The following RPAP1 variants were observed in gnomAD, a reference collection of about 807,000 sequenced individuals.
RPAP1 encodes RNA polymerase II-associated protein 1.
In RPAP1, 109 loss-of-function variants were observed where a neutral mutation model predicts 142.4. That is an observed-to-expected ratio of 0.77 (90% CI 0.66 to 0.90). The LOEUF (loss-of-function observed/expected upper bound fraction) is 0.90. RPAP1 is among the 40% of genes least tolerant of loss of function. RPAP1 has a pLI of 0.00. For synonymous variants in RPAP1, 704 were observed against 738.9 expected (o/e 0.95, Z 0.77); for missense variants, 1,546 against 1,751.7 (o/e 0.88, Z 2.10).
At position 41,527,012 on chromosome 15, in the gene RPAP1, A is replaced by G. The variant is rs2051798710; in HGVS notation, c.1803T>C (p.Ser601=). 1 of 1,614,082 alleles carries G rather than the reference A, an allele frequency of 6.2e-7. No homozygotes were observed. Among genetic ancestry groups the G allele is most frequent in the African/African-American group, 1.3e-5 (1 of 74,928 alleles). ...TAGGCCCTGCCCCCACAGGAGACCA[A>G]CTGGTGGGCAAGAACTCTCGAACTA... is the stretch of plus-strand genomic sequence containing the variant. ...ETIVREFLPT[S]WSPVGAGPTP... is the part of the protein sequence containing the mutation. The change falls in exon 14 of 25, where the codon AGT becomes AGC. Residue 601 remains serine (S), a synonymous_variant. Coordinates refer to ENST00000304330, the MANE Select transcript of RPAP1 (RefSeq NM_015540.4).
chr15:41,523,965 C>G lies in RPAP1; in HGVS notation c.2242G>C (p.Ala748Pro), dbSNP rs1201932613. The G allele has an allele frequency of 1.2e-6, 2 of 1,613,106 alleles. No individual in the cohort carries two copies. The highest frequency in any genetic ancestry group is 1.7e-6 in the Non-Finnish European group (2 of 1,179,648). ...GGGGTGGCCGAGAGGCTGGCCTCAGCAGAATCACTACAAAAGTGCCAAAGG... is the reference window on the plus strand; with the variant it reads ...GGGGTGGCCGAGAGGCTGGCCTCAGGAGAATCACTACAAAAGTGCCAAAGG... The part of the protein sequence containing the change: ...STPAETISDS[A>P]EASLSATPSL... Residue 748 changes from alanine to proline, a missense_variant, in exon 17 of 25, where the codon GCT becomes CCT. Ala to Pro is a conservative substitution (Grantham distance 27, BLOSUM62 -1). Around this residue, in one of 3 missense-constraint regions of RPAP1, gnomAD observed 1,333 missense variants for 1,486.6 expected, o/e 0.90. Transcript: ENST00000304330.
At chr15:41,532,461 C>T (rs979424881) in intron 6 of RPAP1, among the ~76,000 whole-genome samples, 1 of 152,130 alleles carries the variant, frequency 6.6e-6, no homozygotes, top group Non-Finnish European at 1.5e-5. Flanking sequence ...CCATACTGAG[C>T]CCTAACACGT....
At chr15:41,523,519 C>G (rs2051754160) in intron 17 of RPAP1, among the ~76,000 whole-genome samples, 165 bp from the exon 18 acceptor site, 1 of 152,156 alleles carries the variant, frequency 6.6e-6, no homozygotes, top group Admixed American at 6.5e-5. Flanking sequence ...GTGTAGGGGG[C>G]ATAAAGAGGG....
intron 5 of RPAP1, 39 bp downstream of exon 5, chr15:41,535,473 T>TA: frequency 6.4e-7 from 1 of 1,557,782 alleles, no homozygotes; most frequent in Non-Finnish European, 8.6e-7. Flanking sequence ...TTGTGTCTTT[T>TA]AAAAAGGCCA....
chr15:41,524,916 G>C lies in RPAP1; in HGVS notation c.2075+75C>G, dbSNP rs532542663. 7.4e-6 allele frequency: 11 copies of C among 1,484,012 alleles called. No homozygotes were observed. The East Asian group carries it at 1.1e-4, about 15-fold the overall frequency. The allele number at this position is 1,484,012 out of a possible 1,614,324, so 91.9% of individuals were successfully genotyped here. On this transcript the variant is annotated intron_variant, in intron 15 of 24. Coordinates refer to ENST00000304330, the MANE Select transcript of RPAP1 (RefSeq NM_015540.4). ...CTCCAAGCTTGGGACCTTGAGCAAG[G>C]CTGAGGTGTTTGATTTGGCCAGAAG...
chr15:41,520,084 C>T, intron 22 of RPAP1: 1 of 329,010 alleles, frequency 3.0e-6, no homozygotes. Context: ...CAGGCACCCG[C>T]AACCACGCCC....
chr15:41,520,083 G>C, intron 22 of RPAP1: 1 of 321,240 alleles, frequency 3.1e-6, no homozygotes. Flanking sequence ...ACAGGCACCC[G>C]CAACCACGCC....
intron 6 of RPAP1, among the ~76,000 whole-genome samples, chr15:41,533,600 C>T (rs1387602621): frequency 6.6e-6 from 1 of 151,858 alleles, no homozygotes; most frequent in African/African-American, 2.4e-5. Context: ...TTGGGAGGCA[C>T]TTTGATCCAC....
rs3215914 is a variant in RPAP1, at chr15:41,517,288, TC to T, written c.*253del. ...GAAGGGATGCATTTAGTTTGCCCTG[TC>T]CCCAAAGAGCGGGTAAATAGCTAAG... On this transcript the variant is annotated 3_prime_UTR_variant, in exon 25 of 25. Coordinates refer to ENST00000304330, the MANE Select transcript of RPAP1 (RefSeq NM_015540.4). 43,029 of 364,688 alleles carry T rather than the reference TC, an allele frequency of 0.12. 3,285 individuals are homozygous for T. The highest frequency in any genetic ancestry group is 0.31 in the East Asian group (6,965 of 22,444). The allele number at this position is 364,688 out of a possible 1,614,324, so 22.6% of individuals were successfully genotyped here.
chr15:41,537,473 C>T (rs1231155193), intron 1 of RPAP1, among the ~76,000 whole-genome samples: 5 of 152,142 alleles, frequency 3.3e-5, no homozygotes, highest in Admixed American at 1.3e-4. Context: ...AGGGGCCGAG[C>T]AGATAAATGT....
rs2051891471 is a variant in RPAP1, at chr15:41,534,832, G to A, written c.645C>T (p.Leu215=). The A allele has an allele frequency of 1.2e-6, 2 of 1,613,976 alleles. No individual in the cohort carries two copies. Among genetic ancestry groups the A allele is most frequent in the African/African-American group, 2.7e-5 (2 of 74,902 alleles). Residue 215 remains leucine, a synonymous_variant, in exon 6 of 25, where the codon CTC becomes CTT. Transcript: ENST00000304330. ...CTTCCTGCTCAGCTTCTTGATCCCT[G>A]AGCCCCTTCCCTGTGACCAGATTGG... The part of the protein sequence containing the change: ...QGPNLVTGKG[L]RDQEAEQEAQ...
chr15:41,536,447 A>C lies in RPAP1; in HGVS notation c.330+54T>G, dbSNP rs545048704. The C allele has an allele frequency of 2.2e-5, 36 of 1,601,836 alleles. 1 individual carries two copies. In the South Asian group the frequency reaches 3.8e-4, roughly 17 times the overall value. ...TAAGCCTCACCCACCCCGAGCATCC[A>C]ATATCCCTGTTGCCCTAGAACATCT... On this transcript the variant is annotated intron_variant, in intron 3 of 24. Transcript: ENST00000304330.
At chr15:41,537,766 C>T (rs1487764931) in intron 1 of RPAP1, among the ~76,000 whole-genome samples, 1 of 151,682 alleles carries the variant, frequency 6.6e-6, no homozygotes, top group African/African-American at 2.4e-5. Flanking sequence ...GCCTGTAATC[C>T]CAGCTACCTG....
At chr15:41,538,490 G>A (rs1430189140) in intron 1 of RPAP1, among the ~76,000 whole-genome samples, 1 of 148,950 alleles carries the variant, frequency 6.7e-6, no homozygotes, top group Non-Finnish European at 1.5e-5. Context: ...ACAATGATAA[G>A]TGATCAGAGG....
chr15:41,517,413 G>A lies in RPAP1; in HGVS notation c.*129C>T, dbSNP rs1479698556. The A allele has an allele frequency of 1.8e-5, 16 of 872,220 alleles. No homozygotes were observed. The highest frequency in any genetic ancestry group is 2.8e-5 in the Non-Finnish European group (16 of 572,580). The allele number at this position is 872,220 out of a possible 1,614,324, so 54.0% of individuals were successfully genotyped here. On this transcript the variant is annotated 3_prime_UTR_variant, in exon 25 of 25. Coordinates refer to ENST00000304330, the MANE Select transcript of RPAP1 (RefSeq NM_015540.4). The stretch of plus-strand genomic sequence containing the variant: ...AAACAGCTCAAACAACCTGCTCCCA[G>A]GAAGGCAAGCCTTCTGCTCCTTGGT...
chr15:41,521,266 T>A, intron 21 of RPAP1, 119 bp from the exon 22 acceptor site: 2 of 996,696 alleles, frequency 2.0e-6, no homozygotes, highest in Non-Finnish European at 2.9e-6. Flanking sequence ...TCTGCTCCCT[T>A]AACTACTTCC....
chr15:41,526,087 C>T (rs955937672), intron 14 of RPAP1, among the ~76,000 whole-genome samples: 1 of 152,100 alleles, frequency 6.6e-6, no homozygotes, highest in Non-Finnish European at 1.5e-5. Flanking sequence ...GTAGCTGGGA[C>T]TACAGGCGCA....
chr15:41,534,608 A>G lies in RPAP1; in HGVS notation c.763+106T>C, dbSNP rs36070791. On this transcript the variant is annotated intron_variant, in intron 6 of 24. Coordinates refer to ENST00000304330, the MANE Select transcript of RPAP1 (RefSeq NM_015540.4). ...CAAAAAAAAAAAAAAAAAAAAAAAAAGCATTAAAGTACTCAGCACAGTGCC... is the reference window on the plus strand; with the variant it reads ...CAAAAAAAAAAAAAAAAAAAAAAAAGGCATTAAAGTACTCAGCACAGTGCC... The G allele has an allele frequency of 1.1e-5, 5 of 462,438 alleles. No homozygotes were observed. In the Admixed American group the frequency reaches 1.1e-4, roughly 10 times the overall value. The allele number at this position is 462,438 out of a possible 1,614,324, so 28.6% of individuals were successfully genotyped here. A position where few individuals can be genotyped will look rare whatever the true frequency, so the allele number is the denominator to read the frequency against.
chr15:41,524,578 C>T (rs558030819), intron 15 of RPAP1, among the ~76,000 whole-genome samples: 1 of 151,464 alleles, frequency 6.6e-6, no homozygotes, highest in African/African-American at 2.4e-5. Flanking sequence ...CAGGTTAAAC[C>T]GGTTCTCCTG....
Sources: gnomAD v4.1 joint callset for allele counts (sites outside exome capture counted in the v4.1 genomes callset) on GRCh38, gnomAD v4.1.1 for gene constraint, gnomAD v4.1.1 regional missense constraint, MANE v1.5 for transcripts, NCBI Gene and HGNC (gene_info 2026-07-23, HGNC 2026-07-21) for gene names.